TMC1: variants seen among roughly 807,000 people sequenced by gnomAD.
TMC1 encodes the protein transmembrane channel-like protein 1.
Under a neutral mutation model 105.8 loss-of-function variants are expected in TMC1, and 84 were observed. The ratio of observed to expected loss-of-function variants is 0.79; its 90% CI spans 0.67 to 0.95. The LOEUF is 0.95. TMC1 is among the 40% of genes least tolerant of loss of function. The pLI, the probability that TMC1 is intolerant of heterozygous loss-of-function variation, is 0.00. For missense variants in TMC1, 817 were observed against 914.1 expected (o/e 0.89, Z 1.37); for synonymous variants, 315 against 311.5 (o/e 1.01, Z -0.12).
At chr9:72,789,834 T>A (rs141436613) in intron 15 of TMC1, among the ~76,000 whole-genome samples, 142 of 152,344 alleles carry the variant, frequency 9.3e-4, no homozygotes, top group African/African-American at 3.4e-3. Flanking sequence ...CCTTTGGGCA[T>A]GTCTGGGCTT....
intron 1 of TMC1, among the ~76,000 whole-genome samples, chr9:72,564,572 A>C (rs1824115224): frequency 1.3e-5 from 2 of 152,236 alleles, no homozygotes; most frequent in Admixed American, 6.5e-5. Flanking sequence ...TGTGCCTGAC[A>C]GATTACCCTT....
intron 2 of TMC1, among the ~76,000 whole-genome samples, chr9:72,585,164 T>A (rs1824535394): frequency 6.7e-6 from 1 of 148,598 alleles, no homozygotes. Context: ...TTTTTTTTTT[T>A]TTTTGAGATG....
chr9:72,699,585 A>G (rs895905057), intron 7 of TMC1, among the ~76,000 whole-genome samples: 2 of 152,192 alleles, frequency 1.3e-5, no homozygotes, highest in African/African-American at 4.8e-5. Context: ...CAAAGAAGAG[A>G]GGGAAATATC....
In TMC1 at chr9:72,650,885, TATATAG is replaced by T. The variant is rs1198283972; in HGVS notation, c.16+2227_16+2232del. 6.4e-5 allele frequency among the ~76,000 whole-genome samples: 9 copies of T among 140,202 alleles called. 1 individual carries two copies. The highest frequency in any genetic ancestry group is 1.1e-4 in the Non-Finnish European group (7 of 64,974). The allele number at this position is 140,202 out of a possible 152,430, so 92.0% of individuals were successfully genotyped here. On this transcript the variant is annotated intron_variant, in intron 5 of 23. Transcript: ENST00000297784. ...TCATGGTGTATTTTATATATATAGA[TATATAG>T]ATATATATATAAATATATATAGATA... is the stretch of plus-strand genomic sequence containing the variant.
intron 4 of TMC1, among the ~76,000 whole-genome samples, chr9:72,635,708 A>G (rs1825522009): frequency 6.6e-6 from 1 of 152,232 alleles, no homozygotes; most frequent in Non-Finnish European, 1.5e-5. Flanking sequence ...TAGAAAGCAT[A>G]GAAAGAAGCT....
At chr9:72,683,733 T>TCATATATA (rs1588029653) in intron 5 of TMC1, among the ~76,000 whole-genome samples, 2 of 53,404 alleles carry the variant, frequency 3.7e-5, no homozygotes, top group Non-Finnish European at 7.4e-5. Context: ...GTTACACATT[T>TCATATATA]TATATATATA....
intron 1 of TMC1, among the ~76,000 whole-genome samples, chr9:72,546,283 ACTC>A (rs1823767035): frequency 3.9e-5 from 6 of 152,030 alleles, no homozygotes; most frequent in Admixed American, 3.9e-4. Context: ...ACAGAGGGAG[ACTC>A]CTCAAAAAAT....
At chr9:72,628,190 CTAAATCCT>C (rs1825384309) in intron 4 of TMC1, 127 bp downstream of exon 4, 2 of 372,402 alleles carry the variant, frequency 5.4e-6, no homozygotes, top group African/African-American at 4.2e-5. Flanking sequence ...CCTGGGTTTG[CTAAATCCT>C]GGGGGAGATT....
At chr9:72,823,801 T>C (rs1352602223) in intron 20 of TMC1, among the ~76,000 whole-genome samples, 2 of 152,260 alleles carry the variant, frequency 1.3e-5, no homozygotes, top group African/African-American at 4.8e-5. Context: ...TATGACAATT[T>C]TATTTTTCAT....
At chr9:72,750,159 G>T (rs1827556822) in intron 10 of TMC1, among the ~76,000 whole-genome samples, 2 of 152,140 alleles carry the variant, frequency 1.3e-5, no homozygotes, top group African/African-American at 4.8e-5. Context: ...AGGTGTTACT[G>T]TCCTGTGAGG....
At chr9:72,699,288 A>C (rs895865596) in intron 7 of TMC1, among the ~76,000 whole-genome samples, 2 of 152,184 alleles carry the variant, frequency 1.3e-5, no homozygotes, top group Non-Finnish European at 2.9e-5. Flanking sequence ...CTCAGTAGGA[A>C]CTAAATTCCT....
At chr9:72,612,026 T>G (rs35771116) in intron 2 of TMC1, among the ~76,000 whole-genome samples, 2,371 of 152,222 alleles carry the variant, frequency 0.016, 40 homozygotes, top group Non-Finnish European at 0.025. Context: ...TGCTTCTGTT[T>G]GGATTTTGCC....
chr9:72,631,080 C>G (rs1279206081), intron 4 of TMC1, among the ~76,000 whole-genome samples: 1 of 152,034 alleles, frequency 6.6e-6, no homozygotes, highest in Non-Finnish European at 1.5e-5. Flanking sequence ...GTTGGTCAGG[C>G]TAGTCTCAAA....
At chr9:72,697,274 T>C (rs1826565611) in intron 7 of TMC1, among the ~76,000 whole-genome samples, 1 of 152,166 alleles carries the variant, frequency 6.6e-6, no homozygotes, top group Admixed American at 6.5e-5. Context: ...AGCTCTACTT[T>C]TGTGCAACCT....
At chr9:72,709,230 T>C (rs556935913) in intron 8 of TMC1, among the ~76,000 whole-genome samples, 1 of 152,320 alleles carries the variant, frequency 6.6e-6, no homozygotes, top group East Asian at 1.9e-4. Flanking sequence ...TCATAGTGGA[T>C]TATCTTTTTG....
At chr9:72,663,468 GA>G (rs1351603598) in intron 5 of TMC1, among the ~76,000 whole-genome samples, 1 of 152,162 alleles carries the variant, frequency 6.6e-6, no homozygotes, top group East Asian at 1.9e-4. Context: ...TTTATTTAAG[GA>G]AAGGGCTGTT....
intron 18 of TMC1, among the ~76,000 whole-genome samples, chr9:72,812,457 G>A (rs1181444724): frequency 1.3e-5 from 2 of 152,206 alleles, no homozygotes; most frequent in Non-Finnish European, 2.9e-5. Flanking sequence ...TTCTCAACTA[G>A]GGTTGAAGTA....
At chr9:72,627,375 C>T (rs1054794818) in intron 3 of TMC1, among the ~76,000 whole-genome samples, 6 of 152,050 alleles carry the variant, frequency 3.9e-5, no homozygotes, top group Non-Finnish European at 8.8e-5. Context: ...TCAAGGCCTC[C>T]TTGACAACAG....
chr9:72,677,962 G>A (rs1028231922), intron 5 of TMC1, among the ~76,000 whole-genome samples: 1 of 152,092 alleles, frequency 6.6e-6, no homozygotes, highest in African/African-American at 2.4e-5. Context: ...CTTTACCCAT[G>A]TAAAGAATAA....
Sources: gnomAD v4.1 joint callset for allele counts (sites outside exome capture counted in the v4.1 genomes callset) on GRCh38, gnomAD v4.1.1 for gene constraint, MANE v1.5 for transcripts, NCBI Gene and HGNC (gene_info 2026-07-23, HGNC 2026-07-21) for gene names.